The following PTPN12 variants were observed in gnomAD, a reference collection of about 807,000 sequenced individuals.
PTPN12 encodes tyrosine-protein phosphatase non-receptor type 12.
Under a neutral mutation model 97.6 loss-of-function variants are expected in PTPN12, and 29 were observed. The observed-to-expected ratio is 0.30, with a 90% CI of 0.22 to 0.41. The LOEUF is 0.41. Among genes scored for constraint, PTPN12 ranks in the 10% least tolerant of loss-of-function variants. PTPN12 has a pLI of 1.00. For missense variants in PTPN12, 819 were observed against 926.0 expected (o/e 0.88, Z 1.50); for synonymous variants, 327 against 300.4 (o/e 1.09, Z -0.91).
At chr7:77,616,145 T>C (rs1788742265) in intron 11 of PTPN12, among the ~76,000 whole-genome samples, 3 of 152,224 alleles carry the variant, frequency 2.0e-5, no homozygotes, top group African/African-American at 7.2e-5. Context: ...CTCTTCTCTT[T>C]ACCCTTCCAC....
chr7:77,545,551 C>G (rs571681409), intron 1 of PTPN12, among the ~76,000 whole-genome samples: 2 of 151,902 alleles, frequency 1.3e-5, no homozygotes, highest in East Asian at 3.9e-4. Flanking sequence ...GTCTCTCTTT[C>G]CAGAGAGATT....
Position 77,627,606 on chromosome 7 carries a change from A to C in PTPN12, c.1927A>C (p.Arg643=), listed in dbSNP as rs1435380609. ...CACTAGTACTGAAAGCATTTCTACT[A>C]GGAAAGTATTGCCAATGTCCATTGC... is the stretch of plus-strand genomic sequence containing the variant. ...AATSTESIST[R]KVLPMSIARH... Residue 643 remains arginine (R), a synonymous_variant, in exon 13 of 18, where the codon AGG becomes CGG. Transcript: ENST00000248594. 1 of 1,612,812 alleles carries C rather than the reference A, an allele frequency of 6.2e-7. No homozygotes were observed. Among genetic ancestry groups the C allele is most frequent in the South Asian group, 1.1e-5 (1 of 90,986 alleles).
chr7:77,615,133 A>C (rs560332528), intron 11 of PTPN12, among the ~76,000 whole-genome samples: 1 of 152,298 alleles, frequency 6.6e-6, no homozygotes, highest in South Asian at 2.1e-4. Context: ...TGTAAAGGAC[A>C]CCGTTACAAG....
At chr7:77,621,199 A>T (rs1021725135) in intron 12 of PTPN12, among the ~76,000 whole-genome samples, 1 of 152,084 alleles carries the variant, frequency 6.6e-6, no homozygotes, top group East Asian at 1.9e-4. Flanking sequence ...GATCATCAAT[A>T]TCACTGCCTT....
intron 1 of PTPN12, among the ~76,000 whole-genome samples, chr7:77,547,804 A>AG (rs1807291936): frequency 6.6e-6 from 1 of 152,206 alleles, no homozygotes; most frequent in African/African-American, 2.4e-5. Flanking sequence ...GGTGAGTAAA[A>AG]GGCAACAACA....
At chr7:77,621,098 T>TTTTTTTTA (rs1562755788) in intron 12 of PTPN12, among the ~76,000 whole-genome samples, 1 of 151,580 alleles carries the variant, frequency 6.6e-6, no homozygotes, top group African/African-American at 2.4e-5. Context: ...TATATTTCAT[T>TTTTTTTTA]TTTATTTATT....
intron 5 of PTPN12, among the ~76,000 whole-genome samples, chr7:77,591,664 TC>T (rs1324910704): frequency 1.3e-5 from 2 of 152,222 alleles, no homozygotes; most frequent in Non-Finnish European, 2.9e-5. Context: ...GGATTATTAT[TC>T]CTATTTTTAC....
intron 5 of PTPN12, among the ~76,000 whole-genome samples, chr7:77,588,615 C>T (rs1233390740): frequency 6.6e-6 from 1 of 152,090 alleles, no homozygotes. Flanking sequence ...TTGCTTGGTG[C>T]AGGGTTGCCA....
chr7:77,575,356 C>G (rs1486622582), intron 2 of PTPN12, among the ~76,000 whole-genome samples: 1 of 152,012 alleles, frequency 6.6e-6, no homozygotes, highest in East Asian at 1.9e-4. Context: ...CACACATACT[C>G]TCTCTTTCTC....
At chr7:77,633,740 A>G (rs1180389284) in intron 14 of PTPN12, among the ~76,000 whole-genome samples, 1 of 152,196 alleles carries the variant, frequency 6.6e-6, no homozygotes, top group African/African-American at 2.4e-5. Flanking sequence ...CCACTGGAGT[A>G]GACTGAGCAC....
chr7:77,537,710 G>C, intron 1 of PTPN12, 65 bp downstream of exon 1: 1 of 1,503,054 alleles, frequency 6.7e-7, no homozygotes, highest in Non-Finnish European at 8.9e-7. Context: ...GCCTCTCCCG[G>C]CCGGGCCGCC....
chr7:77,555,156 T>C (rs1051224665), intron 1 of PTPN12, among the ~76,000 whole-genome samples: 3 of 152,148 alleles, frequency 2.0e-5, no homozygotes, highest in South Asian at 2.1e-4. Flanking sequence ...ATTCTTATTA[T>C]ACTTGCTCCT....
At chr7:77,592,879 C>A (rs1787910544) in intron 6 of PTPN12, among the ~76,000 whole-genome samples, 1 of 151,954 alleles carries the variant, frequency 6.6e-6, no homozygotes, top group African/African-American at 2.4e-5. Flanking sequence ...AAAAGAAAGG[C>A]ATGGACAAAA....
intron 13 of PTPN12, among the ~76,000 whole-genome samples, chr7:77,630,327 A>G (rs1364476636): frequency 6.6e-6 from 1 of 152,210 alleles, no homozygotes; most frequent in Non-Finnish European, 1.5e-5. Context: ...TTAGTGAATT[A>G]CAGTCACACA....
intron 6 of PTPN12, among the ~76,000 whole-genome samples, chr7:77,597,472 C>CT (rs1020726295): frequency 6.6e-6 from 1 of 152,164 alleles, no homozygotes; most frequent in African/African-American, 2.4e-5. Context: ...TTCAGATTGG[C>CT]TTATTTCACT....
At chr7:77,616,031 TC>T (rs1011006069) in intron 11 of PTPN12, among the ~76,000 whole-genome samples, 2 of 152,222 alleles carry the variant, frequency 1.3e-5, no homozygotes, top group African/African-American at 4.8e-5. Flanking sequence ...TTTTGGTTCT[TC>T]CTGTTAATGG....
intron 1 of PTPN12, chr7:77,537,981 G>A (rs562074705): frequency 1.4e-5 from 14 of 973,602 alleles, no homozygotes; most frequent in African/African-American, 1.9e-5. Flanking sequence ...TGCAGGCCGG[G>A]GGGGGGGGCT....
chr7:77,637,580 G>GAT (rs1329853625), intron 16 of PTPN12, among the ~76,000 whole-genome samples: 7 of 152,186 alleles, frequency 4.6e-5, no homozygotes, highest in Non-Finnish European at 8.8e-5. Flanking sequence ...TATTAGGCCT[G>GAT]GCGTGGTGGC....
At chr7:77,605,120 A>G (rs1788318138) in intron 8 of PTPN12, among the ~76,000 whole-genome samples, 1 of 152,166 alleles carries the variant, frequency 6.6e-6, no homozygotes, top group South Asian at 2.1e-4. Context: ...TGTATCAACT[A>G]AAAATTAATA....
Sources: allele counts gnomAD v4.1 joint callset (sites outside exome capture counted in the v4.1 genomes callset), GRCh38; gene constraint gnomAD v4.1.1; transcripts MANE v1.5; gene names NCBI Gene and HGNC (gene_info 2026-07-23, HGNC 2026-07-21).